Variants in DMD observed in about 807,000 individuals in gnomAD.
DMD encodes mutant dystrophin.
In DMD, 63 loss-of-function variants were observed where a neutral mutation model predicts 330.1. The ratio of observed to expected loss-of-function variants is 0.19; its 90% CI spans 0.16 to 0.24. The LOEUF (loss-of-function observed/expected upper bound fraction) is 0.24, where lower values mean the gene tolerates loss of function less well. Among genes scored for constraint, DMD ranks in the 10% least tolerant of loss-of-function variants. The pLI, the probability that DMD is intolerant of heterozygous loss-of-function variation, is 1.00. For synonymous variants in DMD, 1,223 were observed against 959.8 expected (o/e 1.27, Z -5.07); for missense variants, 3,344 against 2,684.1 (o/e 1.25, Z -5.43).
chrX:32,334,760 G>A (rs749955696), intron 41 of DMD, among the ~76,000 whole-genome samples: 4 of 111,605 alleles, frequency 3.6e-5, no homozygotes, highest in African/African-American at 6.5e-5. Context: ...TACTGCAACT[G>A]TCTAGATGTG....
chrX:32,113,996 T>C (rs2096599627), intron 44 of DMD, among the ~76,000 whole-genome samples: 1 of 112,115 alleles, frequency 8.9e-6, no homozygotes, highest in Non-Finnish European at 1.9e-5. Context: ...GACTACTTTT[T>C]TGATTATGCA....
intron 65 of DMD, 87 bp from the exon 66 acceptor site, chrX:31,206,754 G>C: frequency 1.3e-6 from 1 of 778,519 alleles, no homozygotes; most frequent in Non-Finnish European, 1.9e-6. Flanking sequence ...CCTTGAAAAG[G>C]AAAAATAAAG....
intron 44 of DMD, among the ~76,000 whole-genome samples, chrX:32,136,470 C>A (rs760641750): frequency 1.8e-5 from 2 of 112,301 alleles, no homozygotes; most frequent in Non-Finnish European, 3.8e-5. Flanking sequence ...ACATTCCATT[C>A]CTGGCAGCCG....
chrX:32,500,720 G>C (rs990670012), intron 19 of DMD, among the ~76,000 whole-genome samples: 16 of 111,547 alleles, frequency 1.4e-4, no homozygotes, highest in South Asian at 3.7e-4. Flanking sequence ...TCTTAAACTT[G>C]TTCACTCAAG....
At chrX:32,509,272 C>T (rs2045021151) in intron 18 of DMD, among the ~76,000 whole-genome samples, 1 of 109,315 alleles carries the variant, frequency 9.1e-6, no homozygotes, top group Non-Finnish European at 1.9e-5. Context: ...CCCATACGTT[C>T]GTCCTCAAAT....
At chrX:33,300,173 A>G (rs1257612508) in intron 1 of DMD, among the ~76,000 whole-genome samples, 2 of 112,512 alleles carry the variant, frequency 1.8e-5, no homozygotes, top group Non-Finnish European at 3.8e-5. Context: ...TTTGTGGTGC[A>G]TAAACTAGAC....
intron 1 of DMD, among the ~76,000 whole-genome samples, chrX:33,024,976 A>C (rs57634722): frequency 0.066 from 7,381 of 111,446 alleles, 598 homozygotes; most frequent in African/African-American, 0.22. Context: ...TATGACCTGG[A>C]CATTGCACTA....
chrX:32,370,797 T>C (rs1165223900), intron 34 of DMD, among the ~76,000 whole-genome samples: 1 of 111,434 alleles, frequency 9.0e-6, no homozygotes, highest in Non-Finnish European at 1.9e-5. Flanking sequence ...TTGAGGCAGT[T>C]ATCCAGATAA....
At chrX:31,228,049 T>C (rs1363391901) in intron 63 of DMD, among the ~76,000 whole-genome samples, 3 of 102,504 alleles carry the variant, frequency 2.9e-5, no homozygotes, top group African/African-American at 7.3e-5. Context: ...TAGGTGGGAA[T>C]TGAACAATGA....
intron 44 of DMD, among the ~76,000 whole-genome samples, chrX:32,067,845 C>G (rs911171207): frequency 1.8e-5 from 2 of 111,789 alleles, no homozygotes; most frequent in Non-Finnish European, 3.8e-5. Context: ...TTGGTAGAAC[C>G]ATTTGTTTTC....
intron 41 of DMD, among the ~76,000 whole-genome samples, chrX:32,326,720 C>T (rs1255706728): frequency 9.0e-6 from 1 of 110,626 alleles, no homozygotes; most frequent in African/African-American, 3.3e-5. Flanking sequence ...GCCTGGACAA[C>T]ATGGTGAAAC....
chrX:31,419,525 T>C (rs1203949590), intron 60 of DMD, among the ~76,000 whole-genome samples: 1 of 111,053 alleles, frequency 9.0e-6, no homozygotes, highest in Non-Finnish European at 1.9e-5. Flanking sequence ...TCTGCTTTTG[T>C]CCTTTCTAAG....
intron 50 of DMD, among the ~76,000 whole-genome samples, chrX:31,797,274 T>C (rs915346541): frequency 9.1e-6 from 1 of 110,273 alleles, no homozygotes; most frequent in African/African-American, 3.3e-5. Context: ...GGGAAAAAAG[T>C]AAACTAAGTA....
chrX:32,163,342 TA>T (rs919884525), intron 44 of DMD, among the ~76,000 whole-genome samples: 4 of 112,379 alleles, frequency 3.6e-5, no homozygotes, highest in Admixed American at 2.8e-4. Flanking sequence ...CTTCAATAGG[TA>T]CTCTTACTCT....
chrX:32,270,756 A>C (rs1441817179), intron 43 of DMD, among the ~76,000 whole-genome samples: 4 of 111,828 alleles, frequency 3.6e-5, no homozygotes, highest in Admixed American at 9.6e-5. Flanking sequence ...CTTGAGCCCC[A>C]GAATGAGACA....
At chrX:32,743,869 C>T (rs1427167265) in intron 7 of DMD, among the ~76,000 whole-genome samples, 1 of 111,010 alleles carries the variant, frequency 9.0e-6, no homozygotes, top group Non-Finnish European at 1.9e-5. Flanking sequence ...AGCTCTTTTT[C>T]AATGAAAATA....
At chrX:31,140,923 G>A (rs1396927051) in intron 76 of DMD, among the ~76,000 whole-genome samples, 2 of 111,799 alleles carry the variant, frequency 1.8e-5, no homozygotes, top group Non-Finnish European at 3.8e-5. Flanking sequence ...GGGTGTGGTG[G>A]CTCATGCCTT....
chrX:33,114,134 G>A (rs1338643923), intron 1 of DMD, among the ~76,000 whole-genome samples: 1 of 100,919 alleles, frequency 9.9e-6, no homozygotes, highest in Admixed American at 1.1e-4. Flanking sequence ...TTTTGAGACA[G>A]AATCTCACTT....
At chrX:31,861,865 T>C (rs758125118) in intron 48 of DMD, among the ~76,000 whole-genome samples, 1 of 102,376 alleles carries the variant, frequency 9.8e-6, no homozygotes, top group South Asian at 4.6e-4. Flanking sequence ...AAAAGAACCA[T>C]CTTTTGAAGG....
Sources: gnomAD v4.1 joint callset for allele counts (sites outside exome capture counted in the v4.1 genomes callset) on GRCh38, gnomAD v4.1.1 for gene constraint, MANE v1.5 for transcripts, NCBI Gene and HGNC (gene_info 2026-07-23, HGNC 2026-07-21) for gene names.